Variants in TMEM117 observed in about 807,000 individuals in gnomAD.
TMEM117 encodes transmembrane protein 117.
Under a neutral mutation model 52.4 loss-of-function variants are expected in TMEM117, and 27 were observed. The observed-to-expected ratio is 0.51, with a 90% CI of 0.38 to 0.71. The LOEUF is 0.71. Ranked by LOEUF, TMEM117 falls within the 30% of genes least tolerant of loss-of-function variation. TMEM117 has a pLI of 0.00. For synonymous variants in TMEM117, 215 were observed against 206.3 expected (o/e 1.04, Z -0.36); for missense variants, 556 against 630.5 (o/e 0.88, Z 1.26).
At chr12:44,251,005 A>G (rs934144526) in intron 5 of TMEM117, among the ~76,000 whole-genome samples, 5 of 152,134 alleles carry the variant, frequency 3.3e-5, no homozygotes, top group African/African-American at 9.7e-5. Context: ...AAAGTAAAAT[A>G]AAATAAAAAT....
At chr12:44,213,996 A>G (rs949285145) in intron 5 of TMEM117, among the ~76,000 whole-genome samples, 4 of 152,114 alleles carry the variant, frequency 2.6e-5, no homozygotes, top group African/African-American at 4.8e-5. Context: ...CATGTATTCT[A>G]TAGGCCCCTA....
chr12:44,269,502 TA>T (rs1950420803), intron 5 of TMEM117, among the ~76,000 whole-genome samples: 1 of 151,964 alleles, frequency 6.6e-6, no homozygotes, highest in African/African-American at 2.4e-5. Context: ...ATTTTTTTTT[TA>T]GTTTTGTTTT....
rs145519388 is a variant in TMEM117 at position 44,095,635 on chromosome 12, G to C, written c.411-47890G>C. Among the ~76,000 whole-genome samples, 530 of 152,114 alleles carry C rather than the reference G, an allele frequency of 3.5e-3. 3 individuals carry two copies. Among genetic ancestry groups the C allele is most frequent in the East Asian group, 0.014 (70 of 5,164 alleles). On this transcript the variant is annotated intron_variant, in intron 3 of 7. Transcript: ENST00000266534. ...AAGCCTGGAAGATGAATAGGAGAGA[G>C]AGAAGAAAAAGCTCGGTTCAAAGTT...
At chr12:44,129,792 T>C (rs184798011) in intron 3 of TMEM117, among the ~76,000 whole-genome samples, 2 of 152,324 alleles carry the variant, frequency 1.3e-5, no homozygotes, top group African/African-American at 4.8e-5. Flanking sequence ...TAGCAACTTA[T>C]GGAAGAAACT....
chr12:44,053,323 G>A lies in TMEM117; in HGVS notation c.411-90202G>A, dbSNP rs969961673. ...AGTTACAATGATATTTTATTATAAA[G>A]GTTACAAATGACCAGCCAGATGAAG... On this transcript the variant is annotated intron_variant, in intron 3 of 7. Coordinates refer to ENST00000266534, the MANE Select transcript of TMEM117 (RefSeq NM_032256.3). Among the ~76,000 whole-genome samples the A allele has an allele frequency of 5.3e-5, 8 of 152,248 alleles. 1 individual carries two copies. Among genetic ancestry groups the A allele is most frequent in the African/African-American group, 1.9e-4 (8 of 41,554 alleles).
chr12:43,864,947 C>G (rs550430523), intron 2 of TMEM117, among the ~76,000 whole-genome samples: 2 of 152,048 alleles, frequency 1.3e-5, no homozygotes, highest in Non-Finnish European at 1.5e-5. Flanking sequence ...GCAAACCCAC[C>G]GGGAGGAACG....
At chr12:43,857,971 G>C (rs1235670381) in intron 2 of TMEM117, among the ~76,000 whole-genome samples, 1 of 152,174 alleles carries the variant, frequency 6.6e-6, no homozygotes, top group Non-Finnish European at 1.5e-5. Flanking sequence ...ATAGAAGCAC[G>C]GGTCAAAGAA....
intron 3 of TMEM117, among the ~76,000 whole-genome samples, chr12:44,040,600 C>T (rs1946781435): frequency 6.6e-6 from 1 of 152,128 alleles, no homozygotes; most frequent in South Asian, 2.1e-4. Flanking sequence ...AGTTTTGTTT[C>T]TTCACTTCCA....
chr12:43,924,358 T>C (rs1419489731), intron 2 of TMEM117, among the ~76,000 whole-genome samples: 1 of 152,212 alleles, frequency 6.6e-6, no homozygotes, highest in Non-Finnish European at 1.5e-5. Flanking sequence ...CCTTTGTCTA[T>C]TATTTTATTG....
intron 5 of TMEM117, among the ~76,000 whole-genome samples, chr12:44,224,175 T>C (rs983819036): frequency 6.6e-6 from 1 of 152,074 alleles, no homozygotes; most frequent in Non-Finnish European, 1.5e-5. Flanking sequence ...ACCTCATATA[T>C]GCACACACCC....
At chr12:43,983,354 C>A (rs181485979) in intron 3 of TMEM117, among the ~76,000 whole-genome samples, 93 of 152,106 alleles carry the variant, frequency 6.1e-4, no homozygotes, top group Non-Finnish European at 1.2e-3. Flanking sequence ...CAAAGTAAGT[C>A]CCATGGCCAA....
At chr12:44,013,602 C>T (rs1052696613) in intron 3 of TMEM117, among the ~76,000 whole-genome samples, 1 of 152,068 alleles carries the variant, frequency 6.6e-6, no homozygotes, top group African/African-American at 2.4e-5. Context: ...CTCTGATAGT[C>T]GCTGTGAGGG....
At chr12:43,914,760 G>A (rs1230832786) in intron 2 of TMEM117, among the ~76,000 whole-genome samples, 1 of 152,094 alleles carries the variant, frequency 6.6e-6, no homozygotes, top group Non-Finnish European at 1.5e-5. Context: ...AAAGCATTTG[G>A]GTATGTGGAA....
chr12:44,268,422 A>G (rs530806703), intron 5 of TMEM117, among the ~76,000 whole-genome samples: 2 of 152,020 alleles, frequency 1.3e-5, no homozygotes, highest in African/African-American at 2.4e-5. Flanking sequence ...GGGATTACAG[A>G]CATGAGCCAC....
chr12:44,058,620 C>G (rs1374998638), intron 3 of TMEM117, among the ~76,000 whole-genome samples: 52 of 152,300 alleles, frequency 3.4e-4, no homozygotes, highest in Admixed American at 3.4e-3. Context: ...CAGACATACT[C>G]ATTCTTAAAA....
At chr12:44,151,550 T>C (rs1302854093) in intron 4 of TMEM117, among the ~76,000 whole-genome samples, 1 of 126,194 alleles carries the variant, frequency 7.9e-6, no homozygotes, top group Non-Finnish European at 1.6e-5. Flanking sequence ...GATGTTCCCC[T>C]TCCTGTGTCC....
At chr12:44,035,855 T>C (rs1385001989) in intron 3 of TMEM117, among the ~76,000 whole-genome samples, 1 of 152,266 alleles carries the variant, frequency 6.6e-6, no homozygotes, top group East Asian at 1.9e-4. Context: ...ATGAAAATGA[T>C]GGGAATCACA....
chr12:43,806,102 C>G, the TMEM117 span: 9 of 1,522,124 alleles, frequency 5.9e-6, no homozygotes, highest in East Asian at 2.5e-5. Flanking sequence ...CGGCTCGCCC[C>G]GCGAGACCGA....
chr12:44,388,656 G>A lies in TMEM117; in HGVS notation c.1529G>A (p.Ser510Asn), dbSNP rs751158507. The change falls in exon 8 of 8, where the codon AGT (serine) becomes AAT (asparagine). Residue 510 changes from serine (S) to asparagine (N), a missense_variant. Ser to Asn is a conservative substitution (Grantham distance 46). Around this residue, in one of 3 missense-constraint regions of TMEM117, gnomAD observed 206 missense variants for 211.1 expected, o/e 0.98. Transcript: ENST00000266534. ...GATCAAGACCCAACGACTTCTAAAA[G>A]TACACCTACGAACTAGACTCGGAGA... ...EADQDPTTSK[S>N]TPTN is the part of the protein sequence containing the mutation. The A allele has an allele frequency of 1.2e-6, 2 of 1,613,022 alleles. No individual in the cohort carries two copies. The highest frequency in any genetic ancestry group is 1.7e-6 in the Non-Finnish European group (2 of 1,179,304).
Sources: gnomAD v4.1 joint callset for allele counts (sites outside exome capture counted in the v4.1 genomes callset) on GRCh38, gnomAD v4.1.1 for gene constraint, gnomAD v4.1.1 regional missense constraint, MANE v1.5 for transcripts, NCBI Gene and HGNC (gene_info 2026-07-23, HGNC 2026-07-21) for gene names.